RHOJ: variants seen among roughly 807,000 people sequenced by gnomAD.
RHOJ encodes the protein ras homolog family member J, also known as rho-related GTP-binding protein RhoJ.
A neutral mutation model predicts 23.4 loss-of-function variants in RHOJ; 11 were observed. The ratio of observed to expected loss-of-function variants is 0.47; its 90% confidence interval spans 0.30 to 0.78. The LOEUF (loss-of-function observed/expected upper bound fraction) is 0.78, where lower values mean the gene tolerates loss of function less well. Among genes scored for constraint, RHOJ ranks in the 30% least tolerant of loss-of-function variants. The probability of loss-of-function intolerance (pLI) is 0.08; values close to 1 mark genes in which losing one functional copy is unlikely to be tolerated. For missense variants in RHOJ, 254 were observed against 273.4 expected (o/e 0.93, Z 0.50); for synonymous variants, 102 against 102.7 (o/e 0.99, Z 0.04).
chr14:63,207,244 C>T (rs1465305452), intron 1 of RHOJ, among the ~76,000 whole-genome samples: 1 of 152,054 alleles, frequency 6.6e-6, no homozygotes, highest in African/African-American at 2.4e-5. Context: ...GCTGGCCAGG[C>T]TGGTCTTGAA....
rs564970786 is a variant in RHOJ at position 63,293,026 on chromosome 14, T to C, written c.*2002T>C. Reference sequence around the variant, plus strand: ...TCTAATTGCTAAAGATTTTCTTTCATACGCACACACTCCAGTGACTGGAAA... The same window carrying C: ...TCTAATTGCTAAAGATTTTCTTTCACACGCACACACTCCAGTGACTGGAAA... On this transcript the variant is annotated 3_prime_UTR_variant, in exon 5 of 5. Transcript: ENST00000316754. 6 of 151,792 alleles carry C rather than the reference T, an allele frequency of 4.0e-5. No homozygotes were observed. The highest frequency in any genetic ancestry group is 7.4e-5 in the Non-Finnish European group (5 of 68,012). The allele number at this position is 151,792 out of a possible 1,614,324, so 9.4% of individuals were successfully genotyped here. A position where few individuals can be genotyped will look rare whatever the true frequency, so the allele number is the denominator to read the frequency against.
intron 1 of RHOJ, among the ~76,000 whole-genome samples, chr14:63,232,116 C>T (rs1006653193): frequency 6.6e-6 from 1 of 152,078 alleles, no homozygotes; most frequent in Non-Finnish European, 1.5e-5. Flanking sequence ...TCTTCCAGGC[C>T]TACATTTTAT....
At chr14:63,206,800 T>TA (rs1320938846) in intron 1 of RHOJ, among the ~76,000 whole-genome samples, 1 of 152,220 alleles carries the variant, frequency 6.6e-6, no homozygotes, top group Admixed American at 6.5e-5. Context: ...TAAAGCATCT[T>TA]AAAGATTTCG....
In RHOJ at chr14:63,283,187, T is replaced by C. The variant is rs200305253; in HGVS notation, c.469T>C (p.Tyr157His). ...GTATATGAAAGAGAAACCTCTCACT[T>C]ACGAGCATGGTGTGAAGCTCGCAAA... ...LLYMKEKPLTYEHGVKLAKAI... is the reference protein window; with the variant it reads ...LLYMKEKPLTHEHGVKLAKAI... Residue 157 changes from tyrosine to histidine, a missense_variant, in exon 4 of 5, where the codon TAC (tyrosine) becomes CAC (histidine). By Grantham distance (83) the Tyr-to-His change is moderately conservative. Coordinates refer to ENST00000316754, the MANE Select transcript of RHOJ (RefSeq NM_020663.5). 2.5e-5 allele frequency: 41 copies of C among 1,613,964 alleles called. No individual in the cohort carries two copies. Among genetic ancestry groups the C allele is most frequent in the Non-Finnish European group, 3.2e-5 (38 of 1,179,952 alleles).
chr14:63,285,758 AC>A (rs927863742), intron 4 of RHOJ, among the ~76,000 whole-genome samples: 1 of 152,202 alleles, frequency 6.6e-6, no homozygotes, highest in African/African-American at 2.4e-5. Flanking sequence ...TTATTAAACA[AC>A]AATTGATTAA....
In RHOJ at chr14:63,293,486, T is replaced by C. The variant is rs1338726526; in HGVS notation, c.*2462T>C. Among the ~76,000 whole-genome samples, 17 of 152,244 alleles carry C rather than the reference T, an allele frequency of 1.1e-4. No individual in the cohort carries two copies. Among genetic ancestry groups the C allele is most frequent in the Non-Finnish European group, 5.9e-5 (4 of 68,048 alleles). On this transcript the variant is annotated 3_prime_UTR_variant, in exon 5 of 5. Transcript: ENST00000316754. ...CCCAGGGGTCTTAAGAGCTAATTAC[T>C]GAATAAAACAATCTAGAACAAAGCA...
intron 4 of RHOJ, among the ~76,000 whole-genome samples, chr14:63,286,264 A>G (rs1017453390): frequency 2.2e-4 from 33 of 152,224 alleles, no homozygotes; most frequent in African/African-American, 7.7e-4. Flanking sequence ...GAGGAGGGAG[A>G]CAGGCAAACA....
intron 2 of RHOJ, among the ~76,000 whole-genome samples, chr14:63,275,584 A>G (rs1172933840): frequency 6.6e-6 from 1 of 152,184 alleles, no homozygotes; most frequent in Non-Finnish European, 1.5e-5. Context: ...AAGTTGGGCT[A>G]AAGGCACTCA....
chr14:63,273,994 C>T (rs1881633209), intron 2 of RHOJ, among the ~76,000 whole-genome samples: 1 of 152,214 alleles, frequency 6.6e-6, no homozygotes, highest in Non-Finnish European at 1.5e-5. Flanking sequence ...GGAAGGCCAT[C>T]AGCCGAGCCC....
chr14:63,260,627 T>C (rs1594769720), intron 1 of RHOJ, among the ~76,000 whole-genome samples: 1 of 152,206 alleles, frequency 6.6e-6, no homozygotes, highest in East Asian at 1.9e-4. Flanking sequence ...TACATATACA[T>C]GTAGAATTTT....
In RHOJ at chr14:63,290,760, AC is replaced by A. The variant is rs1342761129; in HGVS notation, c.499-114del. ...AAAAAAGACAAACATAATCCAAACC[AC>A]CCCACAGGCTGTTTGTAGGACAGGC... On this transcript the variant is annotated intron_variant, in intron 4 of 4. Transcript: ENST00000316754. The A allele has an allele frequency of 1.0e-5, 9 of 864,376 alleles. No homozygotes were observed. In the East Asian group the frequency reaches 2.5e-4, roughly 24 times the overall value. The allele number at this position is 864,376 out of a possible 1,614,324, so 53.5% of individuals were successfully genotyped here.
At chr14:63,279,365 CAT>C (rs546242212) in intron 2 of RHOJ, among the ~76,000 whole-genome samples, 40 of 152,294 alleles carry the variant, frequency 2.6e-4, no homozygotes, top group African/African-American at 9.1e-4. Context: ...TGTATGGACA[CAT>C]GTCATGTTGC....
At chr14:63,230,408 A>G (rs368953432) in intron 1 of RHOJ, among the ~76,000 whole-genome samples, 2 of 152,002 alleles carry the variant, frequency 1.3e-5, no homozygotes, top group East Asian at 3.8e-4. Context: ...CTTTCTTATT[A>G]TATGGTATTA....
chr14:63,222,589 T>C (rs1894518153), intron 1 of RHOJ, among the ~76,000 whole-genome samples: 1 of 152,238 alleles, frequency 6.6e-6, no homozygotes, highest in Non-Finnish European at 1.5e-5. Flanking sequence ...TGATGAGCAT[T>C]TTTTCATGTG....
chr14:63,222,431 A>G (rs996016850), intron 1 of RHOJ, among the ~76,000 whole-genome samples: 1 of 152,204 alleles, frequency 6.6e-6, no homozygotes, highest in Non-Finnish European at 1.5e-5. Flanking sequence ...ACTAGTTTAC[A>G]GTCCCACCAA....
intron 1 of RHOJ, among the ~76,000 whole-genome samples, chr14:63,250,633 T>C (rs768594875): frequency 3.3e-5 from 5 of 152,180 alleles, no homozygotes; most frequent in Non-Finnish European, 7.3e-5. Context: ...CCAGGACTTT[T>C]TTCCACTATG....
At chr14:63,209,970 T>C (rs911924201) in intron 1 of RHOJ, among the ~76,000 whole-genome samples, 3 of 149,982 alleles carry the variant, frequency 2.0e-5, no homozygotes, top group African/African-American at 4.9e-5. Context: ...TTCTTTTTTT[T>C]TTTTTCTTGA....
intron 1 of RHOJ, among the ~76,000 whole-genome samples, chr14:63,244,642 C>T (rs935898758): frequency 2.2e-4 from 33 of 152,236 alleles, no homozygotes; most frequent in Non-Finnish European, 4.1e-4. Context: ...GTAATGGCTA[C>T]CATTTTTAAA....
chr14:63,275,611 C>T (rs552019887), intron 2 of RHOJ, among the ~76,000 whole-genome samples: 1 of 152,258 alleles, frequency 6.6e-6, no homozygotes, highest in East Asian at 1.9e-4. Flanking sequence ...TACTTTGCCC[C>T]AAATCCTTCC....
Sources: gnomAD v4.1 joint callset for allele counts (sites outside exome capture counted in the v4.1 genomes callset) on GRCh38, gnomAD v4.1.1 for gene constraint, MANE v1.5 for transcripts, NCBI Gene and HGNC (gene_info 2026-07-23, HGNC 2026-07-21) for gene names.